The following FMN1 variants were observed in gnomAD, a reference collection of about 807,000 sequenced individuals.
FMN1 encodes the protein formin-1.
In FMN1, 110 loss-of-function variants were observed where a neutral mutation model predicts 132.4. That is an observed-to-expected ratio of 0.83 (90% CI 0.71 to 0.97). The LOEUF is 0.97. Ranked by LOEUF, FMN1 falls within the 50% of genes least tolerant of loss-of-function variation. The pLI, the probability that FMN1 is intolerant of heterozygous loss-of-function variation, is 0.00. For synonymous variants in FMN1, 722 were observed against 651.7 expected, an observed-to-expected ratio of 1.11 and a Z score of -1.64; for missense variants, 1,792 against 1,705.3, an observed-to-expected ratio of 1.05 and a Z score of -0.90.
At chr15:32,799,318 C>T (rs1349702254) in intron 18 of FMN1, among the ~76,000 whole-genome samples, 3 of 152,166 alleles carry the variant, frequency 2.0e-5, no homozygotes, top group African/African-American at 7.2e-5. Context: ...GGATGACACA[C>T]TGACTGCAGC....
chr15:32,885,826 ACT>A (rs2059884015), intron 16 of FMN1, among the ~76,000 whole-genome samples: 1 of 150,342 alleles, frequency 6.7e-6, no homozygotes, highest in African/African-American at 2.5e-5. Context: ...TTTTTAAAAG[ACT>A]CTGCCTGCCT....
At chr15:32,967,178 C>A (rs943001820) in intron 8 of FMN1, among the ~76,000 whole-genome samples, 3 of 152,216 alleles carry the variant, frequency 2.0e-5, no homozygotes, top group African/African-American at 7.2e-5. Context: ...AAACGGCCAA[C>A]TAAATGAGGA....
chr15:33,127,621 CA>C (rs1317270068), intron 4 of FMN1, among the ~76,000 whole-genome samples: 2 of 144,104 alleles, frequency 1.4e-5, no homozygotes, highest in East Asian at 5.0e-4. Context: ...AGTTAAAACA[CA>C]AGTATTTTCC....
chr15:33,131,776 T>A (rs1963560598), intron 4 of FMN1, among the ~76,000 whole-genome samples: 1 of 152,138 alleles, frequency 6.6e-6, no homozygotes, highest in Non-Finnish European at 1.5e-5. Context: ...TAGTCAACAC[T>A]TACTAGGTAA....
At chr15:32,907,828 G>A (rs928358085) in intron 12 of FMN1, among the ~76,000 whole-genome samples, 1 of 151,046 alleles carries the variant, frequency 6.6e-6, no homozygotes, top group Non-Finnish European at 1.5e-5. Flanking sequence ...GCCCTGGAAA[G>A]CTGGGCAGGG....
intron 19 of FMN1, among the ~76,000 whole-genome samples, chr15:32,795,705 G>A (rs1187066293): frequency 1.3e-5 from 2 of 152,108 alleles, no homozygotes; most frequent in Non-Finnish European, 2.9e-5. Context: ...AGAAGGGACT[G>A]GGATGCTTCA....
At position 32,816,614 on chromosome 15, in the gene FMN1, A is replaced by G. The variant is rs1053867527; in HGVS notation, c.3929-12282T>C. ...TAAGGTCATACAAATAGTTTTGGGC[A>G]AAAAAGAAAGAAGCTGTCCCCTGAC... On this transcript the variant is annotated intron_variant, in intron 17 of 20. Transcript: ENST00000616417. Among the ~76,000 whole-genome samples the G allele has an allele frequency of 2.0e-5, 3 of 152,226 alleles. No individual in the cohort carries two copies. The East Asian group carries it at 5.8e-4, about 29-fold the overall frequency.
At chr15:32,960,852 G>A (rs1219171734) in intron 9 of FMN1, among the ~76,000 whole-genome samples, 3 of 151,432 alleles carry the variant, frequency 2.0e-5, no homozygotes, top group Non-Finnish European at 2.9e-5. Flanking sequence ...AAAATTAGCC[G>A]GGCATGGTGG....
At chr15:33,070,274 G>A (rs2037944228) in intron 5 of FMN1, among the ~76,000 whole-genome samples, 1 of 151,742 alleles carries the variant, frequency 6.6e-6, no homozygotes, top group Non-Finnish European at 1.5e-5. Flanking sequence ...CAAAGTGCTA[G>A]GATTACAGGC....
chr15:32,853,455 C>T (rs1052245639), intron 17 of FMN1, among the ~76,000 whole-genome samples: 1 of 152,022 alleles, frequency 6.6e-6, no homozygotes, highest in African/African-American at 2.4e-5. Context: ...CAATAAATAG[C>T]GTATTAGATG....
At position 32,766,053 on chromosome 15, in the gene FMN1, A is replaced by C. The variant is rs1375598422; in HGVS notation, c.*8257T>G. 6.6e-6 allele frequency: 1 copy of C among 152,186 alleles called. No individual in the cohort carries two copies. The highest frequency in any genetic ancestry group is 1.5e-5 in the Non-Finnish European group (1 of 68,024). The allele number at this position is 152,186 out of a possible 1,614,324, so 9.4% of individuals were successfully genotyped here. A position where few individuals can be genotyped will look rare whatever the true frequency, so the allele number is the denominator to read the frequency against. ...ATATCCCAAGAGCGTGTAAGGTTTC[A>C]TGTCTTTAAAGGGCCTTCTCCTTTC... On this transcript the variant is annotated 3_prime_UTR_variant, in exon 21 of 21. Coordinates refer to ENST00000616417, the MANE Select transcript of FMN1 (RefSeq NM_001277313.2).
chr15:32,780,066 C>G (rs781731594), intron 19 of FMN1, among the ~76,000 whole-genome samples: 1 of 152,188 alleles, frequency 6.6e-6, no homozygotes, highest in Admixed American at 6.5e-5. Context: ...AGGGAACTCT[C>G]TGTGTGCCTT....
intron 2 of FMN1, among the ~76,000 whole-genome samples, chr15:33,188,755 C>A (rs1272725134): frequency 1.3e-5 from 2 of 151,792 alleles, no homozygotes; most frequent in East Asian, 3.9e-4. Flanking sequence ...TTTTCGTAGG[C>A]TGCAGGGCTG....
rs1166341002 is a variant in FMN1 at position 32,785,215 on chromosome 15, TA to T, written c.4131-8297del. On this transcript the variant is annotated intron_variant, in intron 19 of 20. Transcript: ENST00000616417. ...GTGTGTGTGTGTATATATATATATA[TA>T]TATTTTTTTTTTTTTTTTTTTGTAG... 3.8e-4 allele frequency among the ~76,000 whole-genome samples: 22 copies of T among 57,784 alleles called. No individual in the cohort carries two copies. The East Asian group carries it at 7.5e-3, about 20-fold the overall frequency. 37.9% of individuals were successfully genotyped at this position (57,784 alleles called of 152,430 possible).
At chr15:32,778,588 C>G (rs2056566363) in intron 19 of FMN1, among the ~76,000 whole-genome samples, 1 of 151,946 alleles carries the variant, frequency 6.6e-6, no homozygotes, top group Admixed American at 6.6e-5. Flanking sequence ...AAATGCAAAT[C>G]AAAACCACAA....
chr15:32,833,974 A>G (rs976440865), intron 17 of FMN1, among the ~76,000 whole-genome samples: 2 of 152,156 alleles, frequency 1.3e-5, no homozygotes, highest in African/African-American at 4.8e-5. Flanking sequence ...GGATTTTGAG[A>G]ACCATCGCCC....
intron 6 of FMN1, among the ~76,000 whole-genome samples, chr15:33,032,674 G>A (rs988713257): frequency 2.6e-5 from 4 of 152,062 alleles, no homozygotes; most frequent in African/African-American, 9.7e-5. Flanking sequence ...CATAACCCTC[G>A]GTTCCAATCA....
intron 4 of FMN1, among the ~76,000 whole-genome samples, chr15:33,132,323 C>T (rs920253049): frequency 2.0e-5 from 3 of 152,132 alleles, no homozygotes; most frequent in African/African-American, 7.2e-5. Flanking sequence ...TTCTCATTCC[C>T]GCTCTCTTGT....
At chr15:33,018,542 T>A (rs953264189) in intron 6 of FMN1, among the ~76,000 whole-genome samples, 1 of 152,132 alleles carries the variant, frequency 6.6e-6, no homozygotes, top group Admixed American at 6.5e-5. Context: ...CACGAAAAGG[T>A]TCCCAGAGGG....
Sources: gnomAD v4.1 joint callset for allele counts (sites outside exome capture counted in the v4.1 genomes callset) on GRCh38, gnomAD v4.1.1 for gene constraint, MANE v1.5 for transcripts, NCBI Gene and HGNC (gene_info 2026-07-23, HGNC 2026-07-21) for gene names.